Variants in ONECUT3 observed in about 807,000 individuals in gnomAD.
ONECUT3 encodes one cut domain family member 3.
In ONECUT3, 11 loss-of-function variants were observed where a neutral mutation model predicts 16.8. That is an observed-to-expected ratio of 0.66 (90% CI 0.41 to 1.09). The LOEUF (loss-of-function observed/expected upper bound fraction) is 1.09, where lower values mean the gene tolerates loss of function less well. Ranked by LOEUF, ONECUT3 falls within the 50% of genes least tolerant of loss-of-function variation. ONECUT3 has a pLI of 0.00. For missense variants in ONECUT3, 637 were observed against 629.9 expected, an observed-to-expected ratio of 1.01 and a Z score of -0.12; for synonymous variants, 344 against 310.7, an observed-to-expected ratio of 1.11 and a Z score of -1.13.
rs1379712677 is a variant in ONECUT3 at position 1,753,860 on chromosome 19, G to A, written c.198G>A (p.Gly66=). The part of the protein sequence containing the change: ...GGGGGGGGGA[G]GAGGAGSAGG... ...GCGGCGGCGGCGGTGGGGGCGCCGGGGGCGCGGGCGGCGCGGGCAGCGCGG... is the reference window on the plus strand; with the variant it reads ...GCGGCGGCGGCGGTGGGGGCGCCGGAGGCGCGGGCGGCGCGGGCAGCGCGG... Residue 66 remains glycine (G), a synonymous_variant, in exon 1 of 2, where the codon GGG becomes GGA. Coordinates refer to ENST00000382349, the MANE Select transcript of ONECUT3 (RefSeq NM_001080488.2). 3 of 975,496 alleles carry A rather than the reference G, an allele frequency of 3.1e-6. No individual in the cohort carries two copies. The highest frequency in any genetic ancestry group is 2.4e-6 in the Non-Finnish European group (2 of 823,902). The allele number at this position is 975,496 out of a possible 1,614,324, so 60.4% of individuals were successfully genotyped here.
rs914680848 is a variant in ONECUT3, at chr19:1,755,587, G to A, written c.1192+733G>A. ...GCCCCGCGCAGTTTGGTCGTGGCTCGGGTGCGCGCGCCCCTGCCCGCCTGG... is the reference window on the plus strand; with the variant it reads ...GCCCCGCGCAGTTTGGTCGTGGCTCAGGTGCGCGCGCCCCTGCCCGCCTGG... On this transcript the variant is annotated intron_variant, in intron 1 of 1. Coordinates refer to ENST00000382349, the MANE Select transcript of ONECUT3 (RefSeq NM_001080488.2). This position sits in a 1 kb window ranked among gnomAD's most constrained non-coding sequence, Gnocchi z 7.5. 2.6e-5 allele frequency among the ~76,000 whole-genome samples: 4 copies of A among 151,884 alleles called. No individual in the cohort carries two copies. Among genetic ancestry groups the A allele is most frequent in the African/African-American group, 9.7e-5 (4 of 41,370 alleles).
In ONECUT3 at chr19:1,754,927, GGC is replaced by G; in HGVS notation, c.1192+74_1192+75del. Reference sequence around the variant, plus strand: ...ACTCCCGAGCACCTAGCGGGGCGGCGGCCGATGCCCGGGGCCAGCGCCCCAAG... The same window carrying G: ...ACTCCCGAGCACCTAGCGGGGCGGCGCGATGCCCGGGGCCAGCGCCCCAAG... On this transcript the variant is annotated intron_variant, in intron 1 of 1. Transcript: ENST00000382349. This position sits in a 1 kb window ranked among gnomAD's most constrained non-coding sequence, Gnocchi z 7.4. The G allele has an allele frequency of 7.8e-7, 1 of 1,284,302 alleles. No individual in the cohort carries two copies. Among genetic ancestry groups the G allele is most frequent in the South Asian group, 2.3e-5 (1 of 43,942 alleles). The allele number at this position is 1,284,302 out of a possible 1,614,324, so 79.6% of individuals were successfully genotyped here.
intron 1 of ONECUT3, among the ~76,000 whole-genome samples, chr19:1,771,735 A>G (rs2068056576): frequency 1.3e-5 from 2 of 151,446 alleles, no homozygotes; most frequent in Non-Finnish European, 1.5e-5. Context: ...GCTGGAGTGC[A>G]GTATCATGAT....
intron 1 of ONECUT3, among the ~76,000 whole-genome samples, chr19:1,772,860 ATTTTTT>A (rs759006591): frequency 1.9e-5 from 2 of 107,236 alleles, no homozygotes; most frequent in Admixed American, 2.0e-4. Context: ...CGTCCAGCTA[ATTTTTT>A]TTTTTTTTTT....
intron 1 of ONECUT3, among the ~76,000 whole-genome samples, chr19:1,773,115 A>G (rs2068072030): frequency 1.3e-5 from 2 of 151,940 alleles, no homozygotes; most frequent in Non-Finnish European, 2.9e-5. Flanking sequence ...CTTTTACTTA[A>G]CAGCATCCTG....
chr19:1,764,470 G>A lies in ONECUT3; in HGVS notation c.1192+9616G>A, dbSNP rs567898581. On this transcript the variant is annotated intron_variant, in intron 1 of 1. Transcript: ENST00000382349. The surrounding 1 kb of genome is among the most constrained non-coding windows in gnomAD (Gnocchi z 5.0). The stretch of plus-strand genomic sequence containing the variant: ...GGTGGGGACAAGAGGGAGGCTGGGC[G>A]CCTGCTGAGGCCAAGGTGGGCTCCG... Among the ~76,000 whole-genome samples, 355 of 152,310 alleles carry A rather than the reference G, an allele frequency of 2.3e-3. 2 individuals carry two copies. Among genetic ancestry groups the A allele is most frequent in the Non-Finnish European group, 3.5e-3 (239 of 68,010 alleles).
rs943215123 is a variant in ONECUT3 at position 1,754,906 on chromosome 19, C to T, written c.1192+52C>T. The T allele has an allele frequency of 7.7e-7, 1 of 1,304,578 alleles. No individual in the cohort carries two copies. Among genetic ancestry groups the T allele is most frequent in the South Asian group, 2.1e-5 (1 of 48,568 alleles). 80.8% of individuals were successfully genotyped at this position (1,304,578 alleles called of 1,614,324 possible). On this transcript the variant is annotated intron_variant, in intron 1 of 1. Transcript: ENST00000382349. This position sits in a 1 kb window ranked among gnomAD's most constrained non-coding sequence, Gnocchi z 7.4. ...CCCTGGGGGCGCCGGCTCTGGACTC[C>T]CGAGCACCTAGCGGGGCGGCGGCCG...
rs200909698 is a variant in ONECUT3 at position 1,775,184 on chromosome 19, G to C, written c.1224G>C (p.Lys408Asn). The change falls in exon 2 of 2, where the codon AAG (lysine) becomes AAC (asparagine). Residue 408 changes from lysine (K) to asparagine (N), a missense_variant. Around this residue, in one of 3 missense-constraint regions of ONECUT3, gnomAD observed 183 missense variants for 188.3 expected, o/e 0.97. Transcript: ENST00000382349. Reference protein sequence around the residue: ...ACKRKEQEQQKERALQPKKQR... With the variant: ...ACKRKEQEQQNERALQPKKQR... Reference sequence around the variant, plus strand: ...AGCGCAAGGAACAGGAGCAGCAGAAGGAGCGCGCCCTGCAGCCCAAGAAGC... The same window carrying C: ...AGCGCAAGGAACAGGAGCAGCAGAACGAGCGCGCCCTGCAGCCCAAGAAGC... 9.0e-4 allele frequency: 1,301 copies of C among 1,449,852 alleles called. 1 individual carries two copies. The highest frequency in any genetic ancestry group is 1.1e-3 in the Non-Finnish European group (1,240 of 1,083,272). 89.8% of individuals were successfully genotyped at this position (1,449,852 alleles called of 1,614,324 possible).
intron 1 of ONECUT3, among the ~76,000 whole-genome samples, chr19:1,770,853 T>C (rs1447835633): frequency 1.3e-5 from 2 of 152,208 alleles, no homozygotes; most frequent in Non-Finnish European, 2.9e-5. Flanking sequence ...CATAAAAGGC[T>C]CCCTGGTACA....
At position 1,755,025 on chromosome 19, in the gene ONECUT3, G is replaced by T. The variant is rs993732896; in HGVS notation, c.1192+171G>T. On this transcript the variant is annotated intron_variant, in intron 1 of 1. Coordinates refer to ENST00000382349, the MANE Select transcript of ONECUT3 (RefSeq NM_001080488.2). This position sits in a 1 kb window ranked among gnomAD's most constrained non-coding sequence, Gnocchi z 7.5. Reference sequence around the variant, plus strand: ...TAGACCGCGATCCGCGCCGCTGCCCGTTTGTACCGTTGCCAAAAGGGAGAA... The same window carrying T: ...TAGACCGCGATCCGCGCCGCTGCCCTTTTGTACCGTTGCCAAAAGGGAGAA... Among the ~76,000 whole-genome samples the T allele has an allele frequency of 6.6e-6, 1 of 152,118 alleles. No individual in the cohort carries two copies. The highest frequency in any genetic ancestry group is 2.4e-5 in the African/African-American group (1 of 41,432).
chr19:1,765,018 G>A (rs11883036), intron 1 of ONECUT3, among the ~76,000 whole-genome samples: 2,506 of 152,248 alleles, frequency 0.016, 73 homozygotes, highest in African/African-American at 0.056. Context: ...ACACAGGGAG[G>A]ACGGGCACAC....
chr19:1,775,202 CAAG>C lies in ONECUT3; in HGVS notation c.1246_1248del (p.Lys416del). ...AGCAGAAGGAGCGCGCCCTGCAGCC[CAAG>C]AAGCAGCGCCTGGTGTTCACCGACC... On this transcript the variant is annotated inframe_deletion, in exon 2 of 2. Coordinates refer to ENST00000382349, the MANE Select transcript of ONECUT3 (RefSeq NM_001080488.2). 4 of 1,556,950 alleles carry C rather than the reference CAAG, an allele frequency of 2.6e-6. No homozygotes were observed. The South Asian group carries it at 4.7e-5, about 18-fold the overall frequency.
At chr19:1,761,991 C>G (rs556985447) in intron 1 of ONECUT3, among the ~76,000 whole-genome samples, 16 of 152,306 alleles carry the variant, frequency 1.1e-4, no homozygotes, top group Admixed American at 4.6e-4. Context: ...GAGGCGTGCC[C>G]GGGTCACAAG....
chr19:1,757,515 C>T (rs2067922775), intron 1 of ONECUT3, among the ~76,000 whole-genome samples: 1 of 152,208 alleles, frequency 6.6e-6, no homozygotes, highest in South Asian at 2.1e-4. Context: ...ATGATAAACC[C>T]GGACCACGCT....
Position 1,755,126 on chromosome 19 carries a change from T to C in ONECUT3, c.1192+272T>C, listed in dbSNP as rs1381628494. ...GGAGCGCGTAGGGGTTCTCTAGTCC[T>C]TGTTAGACTGCTGGGAGGCTCCGAG... is the stretch of plus-strand genomic sequence containing the variant. On this transcript the variant is annotated intron_variant, in intron 1 of 1. Transcript: ENST00000382349. This position sits in a 1 kb window ranked among gnomAD's most constrained non-coding sequence, Gnocchi z 7.5. Among the ~76,000 whole-genome samples the C allele has an allele frequency of 6.6e-6, 1 of 152,142 alleles. No individual in the cohort carries two copies. Among genetic ancestry groups the C allele is most frequent in the Non-Finnish European group, 1.5e-5 (1 of 68,016 alleles).
rs1026261345 is a variant in ONECUT3, at chr19:1,775,322, G to A, written c.1362G>A (p.Glu454=). The A allele has an allele frequency of 3.2e-6, 5 of 1,585,440 alleles. No homozygotes were observed. The highest frequency in any genetic ancestry group is 3.4e-6 in the Non-Finnish European group (4 of 1,165,212). The change falls in exon 2 of 2, where the codon GAG becomes GAA. Residue 454 remains glutamate (E), a synonymous_variant. Transcript: ENST00000382349. The part of the protein sequence containing the change: ...QVTISQQLGL[E]LNTVSNFFMN... Reference sequence around the variant, plus strand: ...CCATCTCGCAGCAGCTCGGCTTGGAGCTCAACACCGTCAGCAACTTCTTCA... The same window carrying A: ...CCATCTCGCAGCAGCTCGGCTTGGAACTCAACACCGTCAGCAACTTCTTCA...
rs1377363191 is a variant in ONECUT3 at position 1,757,260 on chromosome 19, C to T, written c.1192+2406C>T. Among the ~76,000 whole-genome samples, 6 of 152,274 alleles carry T rather than the reference C, an allele frequency of 3.9e-5. 1 individual carries two copies. ...TGTTCGCTCCTGCCGACCCCACAGC[C>T]ATCCAGGCCTCCGCCGTCCCCTTTC... On this transcript the variant is annotated intron_variant, in intron 1 of 1. Coordinates refer to ENST00000382349, the MANE Select transcript of ONECUT3 (RefSeq NM_001080488.2).
intron 1 of ONECUT3, among the ~76,000 whole-genome samples, chr19:1,761,210 G>A (rs933476550): frequency 2.0e-5 from 3 of 151,932 alleles, no homozygotes; most frequent in African/African-American, 7.3e-5. Context: ...GAGCCACCAC[G>A]CCCAGCTAAT....
intron 1 of ONECUT3, among the ~76,000 whole-genome samples, chr19:1,760,027 T>C (rs543062471): frequency 6.6e-6 from 1 of 152,276 alleles, no homozygotes; most frequent in South Asian, 2.1e-4. Context: ...CCGCCTCCCG[T>C]GCAGAGGGGG....
Sources: gnomAD v4.1 joint callset for allele counts (sites outside exome capture counted in the v4.1 genomes callset) on GRCh38, gnomAD v4.1.1 for gene constraint, gnomAD v4.1.1 regional missense constraint, Gnocchi (gnomAD v3.1) non-coding constraint, MANE v1.5 for transcripts, NCBI Gene and HGNC (gene_info 2026-07-23, HGNC 2026-07-21) for gene names.